The following ITGB3BP variants were observed in gnomAD, a reference collection of about 807,000 sequenced individuals.
The protein encoded by ITGB3BP is integrin subunit beta 3 binding protein.
Under a neutral mutation model 29.1 loss-of-function variants are expected in ITGB3BP, and 27 were observed. That is an observed-to-expected ratio of 0.93 (90% confidence interval 0.68 to 1.28). The LOEUF is 1.28. ITGB3BP is among the 50% of genes most tolerant of loss of function. The pLI is 0.00. For synonymous variants in ITGB3BP, 61 were observed against 61.4 expected (o/e 0.99, Z 0.03); for missense variants, 192 against 200.2 (o/e 0.96, Z 0.25).
chr1:63,473,501 C>T (rs1293136530), intron 4 of ITGB3BP, among the ~76,000 whole-genome samples: 8 of 143,910 alleles, frequency 5.6e-5, no homozygotes, highest in Non-Finnish European at 7.7e-5. Flanking sequence ...CCCGGCCAGC[C>T]GCCCAGTCCG....
chr1:63,517,289 C>G (rs12078371), intron 1 of ITGB3BP, among the ~76,000 whole-genome samples: 32,428 of 151,600 alleles, frequency 0.21, 4,031 homozygotes, highest in African/African-American at 0.35. Context: ...ACATTTATCA[C>G]TTAAAAATAC....
chr1:63,497,882 C>CT (rs1645829311), intron 2 of ITGB3BP, among the ~76,000 whole-genome samples: 1 of 151,668 alleles, frequency 6.6e-6, no homozygotes, highest in South Asian at 2.1e-4. Context: ...GTACTGGGCA[C>CT]TTCTTTTCTG....
intron 4 of ITGB3BP, chr1:63,457,722 T>C (rs961458309): frequency 3.9e-5 from 6 of 152,202 alleles, no homozygotes; most frequent in Admixed American, 1.3e-4. Flanking sequence ...CTAGACTAAA[T>C]TGGACCAAAT....
intron 4 of ITGB3BP, among the ~76,000 whole-genome samples, chr1:63,459,557 A>G (rs1046249468): frequency 1.3e-5 from 2 of 152,134 alleles, no homozygotes; most frequent in Non-Finnish European, 2.9e-5. Context: ...AAACAATGAA[A>G]TATATTGTTA....
rs1036646648 is a variant in ITGB3BP, at chr1:63,444,182, C to T, written c.*1+2624G>A. Among the ~76,000 whole-genome samples the T allele has an allele frequency of 3.3e-5, 5 of 152,190 alleles. No individual in the cohort carries two copies. The South Asian group carries it at 6.2e-4, about 19-fold the overall frequency. ...TACTCAAAGACTCAAAAGAACACCC[C>T]AAAATGTGGTTATCTTTACTAAAAT... On this transcript the variant is annotated intron_variant, in intron 8 of 8. Coordinates refer to ENST00000271002, the MANE Select transcript of ITGB3BP (RefSeq NM_014288.5).
At chr1:63,447,494 AC>A (rs1644803650) in intron 7 of ITGB3BP, 2 of 452,958 alleles carry the variant, frequency 4.4e-6, no homozygotes, top group Middle Eastern at 3.3e-4. Context: ...ACAATGCACT[AC>A]AACATGATAC....
At chr1:63,502,966 A>G (rs924692132) in intron 2 of ITGB3BP, among the ~76,000 whole-genome samples, 8 of 152,292 alleles carry the variant, frequency 5.3e-5, no homozygotes, top group Non-Finnish European at 1.0e-4. Flanking sequence ...TAGTGCTGCA[A>G]TAAACATACG....
At chr1:63,473,607 C>T (rs375528910) in intron 4 of ITGB3BP, among the ~76,000 whole-genome samples, 36,302 of 73,974 alleles carry the variant, frequency 0.49, 6,448 homozygotes, top group Non-Finnish European at 0.59. Context: ...CCGCCCCGTC[C>T]GGGAGGGAGG....
chr1:63,471,488 T>C (rs1054844358), intron 4 of ITGB3BP, among the ~76,000 whole-genome samples: 3 of 152,084 alleles, frequency 2.0e-5, no homozygotes, highest in Admixed American at 1.3e-4. Flanking sequence ...CCTGACCTCA[T>C]GATCTGCCCA....
At chr1:63,523,532 A>T, upstream of ITGB3BP, 2 of 271,324 alleles carry the variant, frequency 7.4e-6, no homozygotes, top group Non-Finnish European at 1.5e-5. Context: ...TGCAGTTGCC[A>T]TGGTGATTAG....
chr1:63,520,381 C>T (rs991012898), intron 1 of ITGB3BP, among the ~76,000 whole-genome samples: 1 of 152,108 alleles, frequency 6.6e-6, no homozygotes, highest in Admixed American at 6.5e-5. Flanking sequence ...GTGAAGGTTT[C>T]AACCTAGATA....
chr1:63,461,778 G>T (rs187359236), intron 4 of ITGB3BP, among the ~76,000 whole-genome samples: 33 of 152,322 alleles, frequency 2.2e-4, no homozygotes, highest in African/African-American at 7.2e-4. Context: ...ACTGGCCATA[G>T]ATGTATGCAT....
intron 4 of ITGB3BP, chr1:63,457,401 G>A (rs762901533): frequency 9.9e-5 from 15 of 152,092 alleles, no homozygotes; most frequent in Non-Finnish European, 1.9e-4. Context: ...TTGCTACTGA[G>A]AGCCCTTTTC....
chr1:63,506,297 T>C (rs1301498890), intron 2 of ITGB3BP, among the ~76,000 whole-genome samples: 1 of 152,196 alleles, frequency 6.6e-6, no homozygotes, highest in Non-Finnish European at 1.5e-5. Context: ...TTGATCTTTG[T>C]TGGTTTAAAG....
chr1:63,493,464 G>A (rs745649177), intron 2 of ITGB3BP, among the ~76,000 whole-genome samples: 3 of 151,786 alleles, frequency 2.0e-5, no homozygotes, highest in Admixed American at 6.6e-5. Flanking sequence ...AAACCTGCTT[G>A]TAATAATTCC....
At chr1:63,445,943 G>A (rs1644785987) in intron 8 of ITGB3BP, among the ~76,000 whole-genome samples, 2 of 151,372 alleles carry the variant, frequency 1.3e-5, no homozygotes, top group Admixed American at 1.3e-4. Flanking sequence ...TCACTCAGTC[G>A]CCCAGGCTGG....
intron 2 of ITGB3BP, among the ~76,000 whole-genome samples, chr1:63,502,665 T>G (rs1415823661): frequency 6.9e-5 from 7 of 101,672 alleles, no homozygotes; most frequent in Admixed American, 2.1e-4. Flanking sequence ...CCCTCTCCCC[T>G]CCCCCCACCC....
chr1:63,456,835 G>A (rs1644942875), intron 4 of ITGB3BP, among the ~76,000 whole-genome samples: 1 of 152,104 alleles, frequency 6.6e-6, no homozygotes, highest in African/African-American at 2.4e-5. Context: ...CCCCAAAGTT[G>A]TATAATGTAG....
chr1:63,469,107 T>G (rs573582657), intron 4 of ITGB3BP, among the ~76,000 whole-genome samples: 1 of 151,560 alleles, frequency 6.6e-6, no homozygotes, highest in South Asian at 2.1e-4. Flanking sequence ...TTATTTTACC[T>G]CTCTAAATGT....
Sources: allele counts gnomAD v4.1 joint callset (sites outside exome capture counted in the v4.1 genomes callset), GRCh38; gene constraint gnomAD v4.1.1; transcripts MANE v1.5; gene names NCBI Gene and HGNC (gene_info 2026-07-23, HGNC 2026-07-21).